Variants in PALM2AKAP2 observed in about 807,000 individuals in gnomAD.
PALM2AKAP2 encodes the protein PALM2-AKAP2 fusion protein.
A neutral mutation model predicts 71.5 loss-of-function variants in PALM2AKAP2; 37 were observed. The ratio of observed to expected loss-of-function variants is 0.52; its 90% CI spans 0.40 to 0.68. The LOEUF is 0.68. Ranked by LOEUF, PALM2AKAP2 falls within the 30% of genes least tolerant of loss-of-function variation. The pLI, the probability that PALM2AKAP2 is intolerant of heterozygous loss-of-function variation, is 0.00. For missense variants in PALM2AKAP2, 1,224 were observed against 1,191.8 expected (o/e 1.03, Z -0.40); for synonymous variants, 468 against 478.8 (o/e 0.98, Z 0.29).
intron 6 of PALM2AKAP2, among the ~76,000 whole-genome samples, chr9:110,003,522 G>A (rs927544018): frequency 1.7e-4 from 26 of 152,188 alleles, no homozygotes; most frequent in African/African-American, 6.3e-4. Context: ...TTAGGGTGGA[G>A]AGTTCTGTAG....
At chr9:110,170,806 C>A (rs1275016075) in exon 4 of PALM2AKAP2, 1 of 152,218 alleles carries the variant, frequency 6.6e-6, no homozygotes, top group Non-Finnish European at 1.5e-5. Context: ...ATCGTCTTTA[C>A]CTGAGGATTT....
chr9:109,760,995 G>A (rs1030756694), intron 1 of PALM2AKAP2, among the ~76,000 whole-genome samples: 1 of 152,068 alleles, frequency 6.6e-6, no homozygotes, highest in East Asian at 1.9e-4. Context: ...CCACCTTTTG[G>A]ATTGTCTGTC....
At chr9:109,735,728 G>A (rs1564129464) in intron 1 of PALM2AKAP2, among the ~76,000 whole-genome samples, 1 of 151,912 alleles carries the variant, frequency 6.6e-6, no homozygotes, top group African/African-American at 2.4e-5. Context: ...ACTTAATAGA[G>A]TTCCCTTGGG....
At chr9:109,873,649 A>G (rs1319098227) in intron 2 of PALM2AKAP2, among the ~76,000 whole-genome samples, 1 of 152,206 alleles carries the variant, frequency 6.6e-6, no homozygotes, top group Non-Finnish European at 1.5e-5. Flanking sequence ...GAGGGTAAGG[A>G]AGTCTTATCT....
intron 1 of PALM2AKAP2, among the ~76,000 whole-genome samples, chr9:110,059,199 C>A (rs889913651): frequency 6.6e-6 from 1 of 152,094 alleles, no homozygotes; most frequent in East Asian, 1.9e-4. Flanking sequence ...CGCGCCCAGC[C>A]GATGGAAAAT....
At chr9:110,136,670 G>T (rs1475375213) in exon 2 of PALM2AKAP2, 4 of 1,613,980 alleles carry the variant, frequency 2.5e-6, no homozygotes, top group Non-Finnish European at 3.4e-6. Context: ...TGCGCTGGGG[G>T]ACAGCCTGCA....
At chr9:109,719,857 C>A (rs1033079513) in intron 1 of PALM2AKAP2, among the ~76,000 whole-genome samples, 3 of 152,200 alleles carry the variant, frequency 2.0e-5, no homozygotes, top group Non-Finnish European at 4.4e-5. Context: ...CAACTTATAA[C>A]CCAGTAATGG....
At chr9:110,053,813 G>A (rs368260188) in intron 1 of PALM2AKAP2, among the ~76,000 whole-genome samples, 225 of 152,278 alleles carry the variant, frequency 1.5e-3, no homozygotes, top group African/African-American at 5.1e-3. Context: ...GCATGAACTC[G>A]TTGAAGGGGG....
At chr9:110,021,060 C>T (rs1833066212) in intron 7 of PALM2AKAP2, among the ~76,000 whole-genome samples, 1 of 152,176 alleles carries the variant, frequency 6.6e-6, no homozygotes, top group African/African-American at 2.4e-5. Flanking sequence ...GAGCTGAGAT[C>T]ACACCACTGC....
intron 1 of PALM2AKAP2, among the ~76,000 whole-genome samples, chr9:110,061,367 C>T (rs993642255): frequency 6.6e-6 from 1 of 152,048 alleles, no homozygotes; most frequent in Non-Finnish European, 1.5e-5. Context: ...CATTTTCATG[C>T]ATGCATTGTG....
At chr9:109,927,221 G>A (rs1002372498) in intron 5 of PALM2AKAP2, among the ~76,000 whole-genome samples, 8 of 152,140 alleles carry the variant, frequency 5.3e-5, no homozygotes, top group African/African-American at 1.2e-4. Context: ...GTTTGAAGGC[G>A]GGAACACATA....
At chr9:109,777,953 A>G (rs1829371049), upstream of PALM2AKAP2, among the ~76,000 whole-genome samples, 1 of 152,190 alleles carries the variant, frequency 6.6e-6, no homozygotes, top group African/African-American at 2.4e-5. Flanking sequence ...TTCTATTCAG[A>G]GTTCAGATAT....
At chr9:109,909,771 C>T (rs1252398501) in intron 3 of PALM2AKAP2, among the ~76,000 whole-genome samples, 1 of 152,070 alleles carries the variant, frequency 6.6e-6, no homozygotes, top group Non-Finnish European at 1.5e-5. Flanking sequence ...GTAGTAATTA[C>T]CCATGGGAAG....
rs563402303 is a variant in PALM2AKAP2, at chr9:109,890,090, C to G, written c.257+9409C>G. Among the ~76,000 whole-genome samples, 5 of 152,334 alleles carry G rather than the reference C, an allele frequency of 3.3e-5. No homozygotes were observed. In the South Asian group the frequency reaches 1.0e-3, roughly 32 times the overall value. On this transcript the variant is annotated intron_variant, in intron 3 of 9. Transcript: ENST00000302798. ...TGGTCATTTCCAACCGTTCTACATT[C>G]TTGATGAAATGAAAACAGCAAGCTT...
chr9:110,023,265 C>G (rs149616768), intron 7 of PALM2AKAP2, among the ~76,000 whole-genome samples: 2 of 149,654 alleles, frequency 1.3e-5, no homozygotes, highest in South Asian at 2.1e-4. Context: ...TTTAATGATC[C>G]CCATTCTAAC....
intron 1 of PALM2AKAP2, among the ~76,000 whole-genome samples, chr9:109,796,879 G>A (rs1341292374): frequency 6.6e-6 from 1 of 152,158 alleles, no homozygotes; most frequent in Non-Finnish European, 1.5e-5. Flanking sequence ...TGTGGGTGGG[G>A]ACACAGAGCC....
chr9:109,726,542 A>G (rs1828480004), intron 1 of PALM2AKAP2, among the ~76,000 whole-genome samples: 3 of 152,200 alleles, frequency 2.0e-5, no homozygotes, highest in African/African-American at 7.2e-5. Context: ...ACATTCTTTA[A>G]CAAATCTCTT....
intron 6 of PALM2AKAP2, among the ~76,000 whole-genome samples, chr9:110,003,192 C>T (rs1564254376): frequency 1.3e-5 from 2 of 152,084 alleles, no homozygotes; most frequent in African/African-American, 4.8e-5. Context: ...TCCCTCTACA[C>T]ACTGCTTTGA....
chr9:109,906,404 G>C (rs1830446801), intron 3 of PALM2AKAP2, among the ~76,000 whole-genome samples: 1 of 152,130 alleles, frequency 6.6e-6, no homozygotes, highest in South Asian at 2.1e-4. Context: ...TCATCATGTT[G>C]GCCAGGCTGG....
Sources: allele counts gnomAD v4.1 joint callset (sites outside exome capture counted in the v4.1 genomes callset), GRCh38; gene constraint gnomAD v4.1.1; transcripts MANE v1.5; gene names NCBI Gene and HGNC (gene_info 2026-07-23, HGNC 2026-07-21).